The following ZNF469 variants were observed in gnomAD, a reference collection of about 807,000 sequenced individuals.
The protein encoded by ZNF469 is zinc finger protein 469.
ZNF469 carries 1 observed loss-of-function variant against 1.0 expected under a neutral mutation model. That is an observed-to-expected ratio of 1.00 (90% CI 0.35 to 4.73). The LOEUF (loss-of-function observed/expected upper bound fraction) is 4.73, where lower values mean the gene tolerates loss of function less well. Ranked by LOEUF, ZNF469 falls within the 30% of genes most tolerant of loss-of-function variation. The pLI, the probability that ZNF469 is intolerant of heterozygous loss-of-function variation, is 0.16. For synonymous variants in ZNF469, 2,703 were observed against 2,363.4 expected, an observed-to-expected ratio of 1.14 and a Z score of -4.17; for missense variants, 6,100 against 5,356.3, an observed-to-expected ratio of 1.14 and a Z score of -4.33.
chr16:88,338,541 C>A, the ZNF469 span, among the ~76,000 whole-genome samples: 22 of 152,168 alleles, frequency 1.4e-4, no homozygotes, highest in Non-Finnish European at 2.8e-4. Context: ...ACCACAGAGC[C>A]CCCAAGCCAT....
intron 1 of ZNF469, among the ~76,000 whole-genome samples, chr16:88,410,920 C>T (rs1204824333): frequency 1.3e-5 from 2 of 152,134 alleles, no homozygotes; most frequent in East Asian, 3.9e-4. Context: ...CTCCTCCAGC[C>T]CCTGGAGGTC....
the ZNF469 span, among the ~76,000 whole-genome samples, chr16:88,174,948 G>A: frequency 2.3e-4 from 5 of 21,770 alleles, no homozygotes; most frequent in Non-Finnish European, 6.4e-4. Flanking sequence ...CCGTGTGTGT[G>A]TGTGTGTGTG....
the ZNF469 span, among the ~76,000 whole-genome samples, chr16:88,196,444 G>T: frequency 6.6e-6 from 1 of 152,120 alleles, no homozygotes; most frequent in Non-Finnish European, 1.5e-5. Context: ...TATGACAGAG[G>T]TACCCCCACC....
Position 88,436,728 on chromosome 16 carries a change from G to A in ZNF469, c.9258G>A (p.Gly3086=), listed in dbSNP as rs908331315. Residue 3086 remains glycine, a synonymous_variant, in exon 3 of 3, where the codon GGG becomes GGA. Transcript: ENST00000565624. ...TCGAGGGCACGGCGAGCTCACAGGG[G>A]CCACAGAGCCGAAGGACAGAGGAGG... ...LDFEGTASSQ[G]PQSRRTEEAA... 4 of 1,548,646 alleles carry A rather than the reference G, an allele frequency of 2.6e-6. No homozygotes were observed. The highest frequency in any genetic ancestry group is 2.0e-5 in the Admixed American group (1 of 50,922).
the ZNF469 span, among the ~76,000 whole-genome samples, chr16:88,117,765 C>A: frequency 2.6e-5 from 4 of 152,192 alleles, no homozygotes; most frequent in African/African-American, 9.7e-5. Flanking sequence ...TTCTTGGAGC[C>A]CCGGTCGTGT....
the ZNF469 span, among the ~76,000 whole-genome samples, chr16:88,122,365 C>G: frequency 1.3e-5 from 2 of 151,410 alleles, no homozygotes; most frequent in Non-Finnish European, 2.9e-5. Context: ...CCATCACCCA[C>G]TATGGCCACA....
chr16:88,125,145 AC>A, the ZNF469 span, among the ~76,000 whole-genome samples: 1 of 152,166 alleles, frequency 6.6e-6, no homozygotes, highest in Admixed American at 6.5e-5. Context: ...TTCTTTCCTC[AC>A]AGAATTGCTT....
At chr16:88,333,546 C>T in the ZNF469 span, among the ~76,000 whole-genome samples, 6 of 151,248 alleles carry the variant, frequency 4.0e-5, no homozygotes, top group Admixed American at 1.3e-4. Flanking sequence ...GGAGAAGGCT[C>T]GGACTTGCTG....
the ZNF469 span, among the ~76,000 whole-genome samples, chr16:88,179,824 T>C: frequency 6.6e-6 from 1 of 152,264 alleles, no homozygotes; most frequent in Non-Finnish European, 1.5e-5. Flanking sequence ...TTGTGGGGTT[T>C]GTAACATGCA....
chr16:88,250,820 T>A, the ZNF469 span, among the ~76,000 whole-genome samples: 4 of 152,164 alleles, frequency 2.6e-5, no homozygotes, highest in Non-Finnish European at 4.4e-5. Context: ...TTATCACGCA[T>A]CTGTTGTAGT....
At chr16:88,380,122 AAC>A (rs758339393), upstream of ZNF469, among the ~76,000 whole-genome samples, 473 of 110,188 alleles carry the variant, frequency 4.3e-3, 1 homozygote, top group African/African-American at 0.015. Context: ...CTCATACACA[AAC>A]ACACACACAG....
chr16:88,350,816 G>T, the ZNF469 span, among the ~76,000 whole-genome samples: 7 of 152,200 alleles, frequency 4.6e-5, no homozygotes, highest in Non-Finnish European at 1.0e-4. Context: ...AGCAATGCAG[G>T]CCTCTAGAAT....
the ZNF469 span, among the ~76,000 whole-genome samples, chr16:88,157,832 G>C: frequency 6.6e-6 from 1 of 151,746 alleles, no homozygotes; most frequent in Non-Finnish European, 1.5e-5. Flanking sequence ...CCACTGCTGG[G>C]TGCCATGCCC....
chr16:88,272,437 G>T, the ZNF469 span, among the ~76,000 whole-genome samples: 1 of 148,330 alleles, frequency 6.7e-6, no homozygotes, highest in Non-Finnish European at 1.5e-5. Flanking sequence ...GTGGATGGTT[G>T]TATGCTGGGT....
chr16:88,401,284 C>A (rs1206599936), intron 1 of ZNF469, among the ~76,000 whole-genome samples: 4 of 152,238 alleles, frequency 2.6e-5, no homozygotes, highest in Non-Finnish European at 5.9e-5. Flanking sequence ...ATGTCAGGGC[C>A]TCTCTGGTTG....
the ZNF469 span, among the ~76,000 whole-genome samples, chr16:88,319,306 C>A: frequency 6.6e-6 from 1 of 152,198 alleles, no homozygotes; most frequent in Non-Finnish European, 1.5e-5. Context: ...GTCGCCTAAA[C>A]AAATGCACTC....
At position 88,437,009 on chromosome 16, in the gene ZNF469, G is replaced by A; in HGVS notation, c.9539G>A (p.Cys3180Tyr). Reference protein sequence around the residue: ...SKAGPWACGMCLKEVADVWMY... With the variant: ...SKAGPWACGMYLKEVADVWMY... ...GCCGGGCCCTGGGCGTGCGGCATGT[G>A]CCTGAAGGAGGTGGCCGACGTCTGG... The change falls in exon 3 of 3, where the codon TGC (cysteine) becomes TAC (tyrosine). Residue 3180 changes from cysteine to tyrosine, a missense_variant. Transcript: ENST00000565624. 1 of 1,525,968 alleles carries A rather than the reference G, an allele frequency of 6.6e-7. No individual in the cohort carries two copies. The highest frequency in any genetic ancestry group is 8.8e-7 in the Non-Finnish European group (1 of 1,139,068). The allele number at this position is 1,525,968 out of a possible 1,614,324, so 94.5% of individuals were successfully genotyped here.
At chr16:88,149,116 G>T in the ZNF469 span, among the ~76,000 whole-genome samples, 1 of 148,164 alleles carries the variant, frequency 6.7e-6, no homozygotes, top group South Asian at 2.2e-4. Flanking sequence ...TTCAGAGTCA[G>T]AAGCTGAGCT....
At chr16:88,119,188 C>T in the ZNF469 span, among the ~76,000 whole-genome samples, 15 of 152,226 alleles carry the variant, frequency 9.9e-5, no homozygotes, top group African/African-American at 3.6e-4. Flanking sequence ...GAAATGTCTT[C>T]TACAAGCTTC....
Sources: gnomAD v4.1 joint callset for allele counts (sites outside exome capture counted in the v4.1 genomes callset) on GRCh38, gnomAD v4.1.1 for gene constraint, MANE v1.5 for transcripts, NCBI Gene and HGNC (gene_info 2026-07-23, HGNC 2026-07-21) for gene names.